AKT1S1: variants seen among roughly 807,000 people sequenced by gnomAD.
AKT1S1 encodes the protein proline-rich AKT1 substrate 1.
Under a neutral mutation model 21.2 loss-of-function variants are expected in AKT1S1, and 17 were observed. That is an observed-to-expected ratio of 0.80 (90% CI 0.55 to 1.20). AKT1S1 has a LOEUF of 1.20. AKT1S1 is among the 50% of genes most tolerant of loss of function. The probability of loss-of-function intolerance (pLI) is 0.00; values close to 1 mark genes in which losing one functional copy is unlikely to be tolerated. For synonymous variants in AKT1S1, 181 were observed against 165.6 expected, an observed-to-expected ratio of 1.09 and a Z score of -0.72; for missense variants, 366 against 368.3, an observed-to-expected ratio of 0.99 and a Z score of 0.05.
At position 49,873,229 on chromosome 19, in the gene AKT1S1, G is replaced by A. The variant is rs1335300230; in HGVS notation, c.67C>T (p.Arg23Trp). The A allele has an allele frequency of 1.4e-5, 22 of 1,535,980 alleles. No homozygotes were observed. Among genetic ancestry groups the A allele is most frequent in the East Asian group, 1.0e-4 (4 of 39,816 alleles). The change falls in exon 2 of 5, where the codon CGG (arginine) becomes TGG (tryptophan). Residue 23 changes from arginine to tryptophan, a missense_variant. Arg to Trp is a moderately radical substitution (Grantham distance 101). Coordinates refer to ENST00000344175, the MANE Select transcript of AKT1S1 (RefSeq NM_001098633.4). This position sits in a 1 kb window ranked among gnomAD's most constrained non-coding sequence, Gnocchi z 6.9. ...VVGAAERFRA[R>W]TGTELVLLTA... ...AGCAGCACCAGCTCCGTGCCAGTCC[G>A]GGCCCGGAAGCGCTCAGCGGCCCCC...
chr19:49,874,982 G>A (rs2074924152), intron 1 of AKT1S1: 1 of 152,262 alleles, frequency 6.6e-6, no homozygotes, highest in Non-Finnish European at 1.5e-5. Flanking sequence ...CTCACTCAGG[G>A]AGTTCAAAGC....
chr19:49,876,842 A>G (rs1054111131), intron 1 of AKT1S1: 3 of 565,166 alleles, frequency 5.3e-6, no homozygotes, highest in Non-Finnish European at 5.7e-6. Flanking sequence ...TTTGCCCCCA[A>G]CAATAATGGC....
At chr19:49,876,211 CCAGGGAGGACCCA>C (rs2074941792) in intron 1 of AKT1S1, 25 of 1,034,902 alleles carry the variant, frequency 2.4e-5, no homozygotes, top group Non-Finnish European at 2.9e-5. Flanking sequence ...CGCCCGGGGT[CCAGGGAGGACCCA>C]CTGGTCTAGG....
upstream of AKT1S1, chr19:49,878,085 C>A: frequency 7.1e-7 from 1 of 1,415,686 alleles, no homozygotes; most frequent in Non-Finnish European, 9.7e-7. Flanking sequence ...TCCCTATTGG[C>A]TCCCCAGGCT....
intron 1 of AKT1S1, chr19:49,876,225 C>G (rs747432730): frequency 3.2e-4 from 339 of 1,057,042 alleles, no homozygotes; most frequent in Non-Finnish European, 3.5e-4. Context: ...GGAGGACCCA[C>G]TGGTCTAGGA....
Position 49,869,718 on chromosome 19 carries a change from G to A in AKT1S1, c.*199C>T, listed in dbSNP as rs567250967. ...GAGACGACAGACCCAATCGGGAAAC[G>A]GGACAGATGCCGCTCCTCGGCGCGG... On this transcript the variant is annotated 3_prime_UTR_variant, in exon 5 of 5. Transcript: ENST00000344175. 59 of 537,410 alleles carry A rather than the reference G, an allele frequency of 1.1e-4. 1 individual carries two copies. The South Asian group carries it at 1.9e-3, about 17-fold the overall frequency. The allele number at this position is 537,410 out of a possible 1,614,324, so 33.3% of individuals were successfully genotyped here. A position where few individuals can be genotyped will look rare whatever the true frequency, so the allele number is the denominator to read the frequency against.
In AKT1S1 at chr19:49,873,256, C is replaced by T; in HGVS notation, c.40G>A (p.Val14Met). The change falls in exon 2 of 5, where the codon GTG (valine) becomes ATG (methionine). Residue 14 changes from valine (V) to methionine (M), a missense_variant. Transcript: ENST00000344175. This position sits in a 1 kb window ranked among gnomAD's most constrained non-coding sequence, Gnocchi z 6.9. The part of the protein sequence containing the change: ...GRPEELWEAV[V>M]GAAERFRART... ...GCCCGGAAGCGCTCAGCGGCCCCCA[C>T]CACGGCCTCCCACAGCTCCTCGGGG... The T allele has an allele frequency of 6.5e-7, 1 of 1,533,322 alleles. No individual in the cohort carries two copies. The highest frequency in any genetic ancestry group is 1.9e-5 in the Admixed American group (1 of 52,166). 95.0% of individuals were successfully genotyped at this position (1,533,322 alleles called of 1,614,324 possible). A position where few individuals can be genotyped will look rare whatever the true frequency, so the allele number is the denominator to read the frequency against.
At chr19:49,871,260 C>T (rs2074880089) in intron 4 of AKT1S1, among the ~76,000 whole-genome samples, 1 of 152,198 alleles carries the variant, frequency 6.6e-6, no homozygotes, top group African/African-American at 2.4e-5. Flanking sequence ...TCAGTTTCTC[C>T]ACTGGAGGGC....
intron 1 of AKT1S1, chr19:49,874,490 G>A (rs1477394092): frequency 2.0e-5 from 3 of 152,306 alleles, no homozygotes; most frequent in Non-Finnish European, 4.4e-5. Context: ...CATGTCACCT[G>A]AGCTTGTGAC....
chr19:49,876,913 C>T (rs1319249047), intron 1 of AKT1S1: 10 of 413,206 alleles, frequency 2.4e-5, no homozygotes, highest in Non-Finnish European at 4.3e-5. Flanking sequence ...ACGTCCCTGA[C>T]CCACAATAAA....
Sources: allele counts gnomAD v4.1 joint callset (sites outside exome capture counted in the v4.1 genomes callset), GRCh38; gene constraint gnomAD v4.1.1; non-coding constraint Gnocchi (gnomAD v3.1); transcripts MANE v1.5; gene names NCBI Gene and HGNC (gene_info 2026-07-23, HGNC 2026-07-21).